TENM2: variants seen among roughly 807,000 people sequenced by gnomAD.
TENM2 encodes teneurin-2.
In TENM2, 52 loss-of-function variants were observed where a neutral mutation model predicts 245.2. That is an observed-to-expected ratio of 0.21 (90% confidence interval 0.17 to 0.27). TENM2 has a LOEUF of 0.27. TENM2 is among the 10% of genes least tolerant of loss of function. The pLI is 1.00. For synonymous variants in TENM2, 1,363 were observed against 1,438.9 expected, an observed-to-expected ratio of 0.95 and a Z score of 1.19; for missense variants, 3,046 against 3,666.8, an observed-to-expected ratio of 0.83 and a Z score of 4.37.
chr5:168,061,355 G>A (rs1790022083), intron 6 of TENM2, among the ~76,000 whole-genome samples: 1 of 152,122 alleles, frequency 6.6e-6, no homozygotes, highest in South Asian at 2.1e-4. Flanking sequence ...AGTATAGGGG[G>A]TGCTGACTGG....
At chr5:167,555,055 T>G (rs143210153) in intron 2 of TENM2, among the ~76,000 whole-genome samples, 2 of 152,148 alleles carry the variant, frequency 1.3e-5, no homozygotes, top group African/African-American at 4.8e-5. Context: ...GTAAACACTT[T>G]CCTTTCTGCC....
chr5:167,183,719 A>G, the TENM2 span, among the ~76,000 whole-genome samples: 1 of 152,166 alleles, frequency 6.6e-6, no homozygotes, highest in Non-Finnish European at 1.5e-5. Flanking sequence ...TTTATATATT[A>G]ATGGCTCACA....
At chr5:167,099,425 G>A in the TENM2 span, among the ~76,000 whole-genome samples, 1 of 152,324 alleles carries the variant, frequency 6.6e-6, no homozygotes, top group Middle Eastern at 3.4e-3. Context: ...GCCGGGTGCA[G>A]TGGCTCACAC....
At chr5:167,096,189 T>C in the TENM2 span, among the ~76,000 whole-genome samples, 4 of 152,206 alleles carry the variant, frequency 2.6e-5, no homozygotes, top group South Asian at 2.1e-4. Flanking sequence ...GATACGTGTA[T>C]ACATTATGGA....
chr5:168,222,676 T>A (rs906191954), intron 23 of TENM2, among the ~76,000 whole-genome samples: 2 of 152,220 alleles, frequency 1.3e-5, no homozygotes, highest in Non-Finnish European at 2.9e-5. Flanking sequence ...TCTGTATTCC[T>A]GAAAAGAACA....
At chr5:168,021,568 T>C (rs1318617882) in intron 5 of TENM2, among the ~76,000 whole-genome samples, 1 of 152,222 alleles carries the variant, frequency 6.6e-6, no homozygotes, top group Admixed American at 6.5e-5. Context: ...TATCTGAATA[T>C]TTATTCCACG....
chr5:167,870,191 T>C (rs1772693350), intron 2 of TENM2, among the ~76,000 whole-genome samples: 1 of 152,176 alleles, frequency 6.6e-6, no homozygotes, highest in African/African-American at 2.4e-5. Flanking sequence ...TACAAATTAT[T>C]TTTTTCTGTG....
chr5:167,964,165 G>C (rs1183850972), intron 4 of TENM2, among the ~76,000 whole-genome samples: 1 of 152,182 alleles, frequency 6.6e-6, no homozygotes, highest in Non-Finnish European at 1.5e-5. Context: ...TCTGCTGAAA[G>C]TGACAAGGTG....
intron 4 of TENM2, among the ~76,000 whole-genome samples, chr5:167,956,175 G>T (rs529214674): frequency 6.6e-6 from 1 of 152,116 alleles, no homozygotes; most frequent in Non-Finnish European, 1.5e-5. Context: ...TCCTTGAAGA[G>T]GTCCTTCACA....
At chr5:167,449,543 GATAGAT>G (rs1316179555) in intron 2 of TENM2, among the ~76,000 whole-genome samples, 1 of 151,700 alleles carries the variant, frequency 6.6e-6, no homozygotes, top group Non-Finnish European at 1.5e-5. Context: ...TAGATAGATA[GATAGAT>G]AGATAGATAG....
intron 5 of TENM2, among the ~76,000 whole-genome samples, chr5:168,002,913 A>G (rs1482018898): frequency 6.6e-6 from 1 of 152,186 alleles, no homozygotes; most frequent in Non-Finnish European, 1.5e-5. Flanking sequence ...TTTTTACTTG[A>G]AATTTTTTTC....
At chr5:167,471,715 G>T (rs1767042406) in intron 2 of TENM2, among the ~76,000 whole-genome samples, 1 of 152,216 alleles carries the variant, frequency 6.6e-6, no homozygotes. Context: ...GCTCTTGTTA[G>T]ACAGGTAGGT....
At chr5:167,243,064 A>C in the TENM2 span, among the ~76,000 whole-genome samples, 1 of 152,072 alleles carries the variant, frequency 6.6e-6, no homozygotes, top group Non-Finnish European at 1.5e-5. Context: ...GAGTAGGAAA[A>C]GATGGGTGTA....
chr5:167,004,989 A>G, the TENM2 span, among the ~76,000 whole-genome samples: 1 of 152,228 alleles, frequency 6.6e-6, no homozygotes, highest in African/African-American at 2.4e-5. Context: ...CCGAATAAAT[A>G]AATAAATAAA....
At chr5:167,695,478 T>C (rs2150417331) in intron 2 of TENM2, among the ~76,000 whole-genome samples, 1 of 152,254 alleles carries the variant, frequency 6.6e-6, no homozygotes, top group Non-Finnish European at 1.5e-5. Context: ...AAAACAATCC[T>C]TGGGCCAGTT....
intron 13 of TENM2, among the ~76,000 whole-genome samples, chr5:168,177,601 C>G (rs1045560902): frequency 9.2e-5 from 14 of 152,202 alleles, no homozygotes; most frequent in African/African-American, 3.1e-4. Flanking sequence ...CTTTGGGAGG[C>G]TGAGGCAGGA....
At chr5:167,091,093 C>T in the TENM2 span, among the ~76,000 whole-genome samples, 1 of 151,986 alleles carries the variant, frequency 6.6e-6, no homozygotes, top group Non-Finnish European at 1.5e-5. Context: ...AGAAACCAAG[C>T]ATATAGAAGC....
At position 168,062,282 on chromosome 5, in the gene TENM2, T is replaced by G. The variant is rs1790111353; in HGVS notation, c.1515+17T>G. ...CATGCCCAGGTATGACCATGTTTGATGTAATCAAGCATTTAAAAAAATATA... is the reference window on the plus strand; with the variant it reads ...CATGCCCAGGTATGACCATGTTTGAGGTAATCAAGCATTTAAAAAAATATA... On this transcript the variant is annotated intron_variant, in intron 7 of 28. Coordinates refer to ENST00000518659, the Ensembl canonical transcript of TENM2. 9.9e-6 allele frequency: 16 copies of G among 1,609,034 alleles called. No individual in the cohort carries two copies. The highest frequency in any genetic ancestry group is 1.4e-5 in the Non-Finnish European group (16 of 1,176,044).
At chr5:168,119,969 C>T (rs1300522189) in intron 10 of TENM2, among the ~76,000 whole-genome samples, 1 of 152,200 alleles carries the variant, frequency 6.6e-6, no homozygotes, top group African/African-American at 2.4e-5. Context: ...TTCATTCTTT[C>T]ATCCCAACAA....
Sources: gnomAD v4.1 joint callset for allele counts (sites outside exome capture counted in the v4.1 genomes callset) on GRCh38, gnomAD v4.1.1 for gene constraint, MANE v1.5 for transcripts, NCBI Gene and HGNC (gene_info 2026-07-23, HGNC 2026-07-21) for gene names.